Variants in GAD1 observed in about 807,000 individuals in gnomAD.
GAD1 encodes 67 kDa glutamic acid decarboxylase.
GAD1 carries 35 observed loss-of-function variants against 75.2 expected under a neutral mutation model. The observed-to-expected ratio is 0.47, with a 90% CI of 0.36 to 0.62. The LOEUF (loss-of-function observed/expected upper bound fraction) is 0.62. Ranked by LOEUF, GAD1 falls within the 20% of genes least tolerant of loss-of-function variation. GAD1 has a pLI of 0.00. For synonymous variants in GAD1, 257 were observed against 271.9 expected (o/e 0.95, Z 0.54); for missense variants, 490 against 758.5 (o/e 0.65, Z 4.16).
At position 170,836,384 on chromosome 2, in the gene GAD1, A is replaced by G. The variant is rs146785475; in HGVS notation, c.548-409A>G. On this transcript the variant is annotated intron_variant, in intron 5 of 16. Transcript: ENST00000358196. ...GATTTAGAGTTACGTAGCAAAAGCA[A>G]TTATTTCACCAACAACTGAATGAGT... is the stretch of plus-strand genomic sequence containing the variant. Among the ~76,000 whole-genome samples, 150 of 152,294 alleles carry G rather than the reference A, an allele frequency of 9.8e-4. 1 individual carries two copies. The highest frequency in any genetic ancestry group is 3.6e-3 in the Admixed American group (55 of 15,298).
rs372807865 is a variant in GAD1 at position 170,853,878 on chromosome 2, A to C, written c.1269A>C (p.Ile423=). ...CSAILVKEKG[I]LQGCNQMCAG... ...CATCTTAATTTCCATGATAGGGTAT[A>C]CTCCAAGGATGCAACCAGATGTGTG... The change falls in exon 14 of 17, where the codon ATA becomes ATC. Residue 423 remains isoleucine (I), a synonymous_variant. Transcript: ENST00000358196. This position sits in a 1 kb window ranked among gnomAD's most constrained non-coding sequence, Gnocchi z 4.1. The C allele has an allele frequency of 1.9e-5, 30 of 1,614,122 alleles. No individual in the cohort carries two copies. Among genetic ancestry groups the C allele is most frequent in the Non-Finnish European group, 2.5e-5 (29 of 1,180,012 alleles).
chr2:170,860,617 G>A lies in GAD1; in HGVS notation c.*735G>A, dbSNP rs937425849. On this transcript the variant is annotated 3_prime_UTR_variant, in exon 17 of 17. Coordinates refer to ENST00000358196, the MANE Select transcript of GAD1 (RefSeq NM_000817.3). ...TTCAGAGATGTACCATGTTAAAGAG[G>A]CGTCTTGTATTTTCTTCCCATTTGT... 1 of 152,520 alleles carries A rather than the reference G, an allele frequency of 6.6e-6. No homozygotes were observed. Among genetic ancestry groups the A allele is most frequent in the African/African-American group, 2.4e-5 (1 of 41,402 alleles). The allele number at this position is 152,520 out of a possible 1,614,324, so 9.4% of individuals were successfully genotyped here.
At chr2:170,850,627 T>C (rs1301592485) in intron 12 of GAD1, among the ~76,000 whole-genome samples, 1 of 152,212 alleles carries the variant, frequency 6.6e-6, no homozygotes, top group Non-Finnish European at 1.5e-5. Context: ...TTACCTCTAC[T>C]GTGCCTCCCC....
intron 10 of GAD1, among the ~76,000 whole-genome samples, chr2:170,846,867 G>C (rs545981423): frequency 5.3e-4 from 80 of 152,312 alleles, no homozygotes; most frequent in Non-Finnish European, 1.0e-3. Flanking sequence ...AAATAGCCAG[G>C]TGTGGTGGTG....
At chr2:170,814,261 T>C (rs1410383100), upstream of GAD1, among the ~76,000 whole-genome samples, 1 of 152,146 alleles carries the variant, frequency 6.6e-6, no homozygotes, top group East Asian at 1.9e-4. Context: ...CAGCAGTTAC[T>C]GTCAGGAGGG....
intron 3 of GAD1, 154 bp from the exon 4 acceptor site, chr2:170,829,321 G>A (rs1420417114): frequency 4.9e-6 from 4 of 822,072 alleles, no homozygotes; most frequent in Non-Finnish European, 6.0e-6. Flanking sequence ...CTGAAGGCGA[G>A]CAGTGCCAGA....
Position 170,845,537 on chromosome 2 carries a change from G to T in GAD1, c.783G>T (p.Met261Ile). 6.2e-7 allele frequency: 1 copy of T among 1,614,030 alleles called. No individual in the cohort carries two copies. Among genetic ancestry groups the T allele is most frequent in the Non-Finnish European group, 8.5e-7 (1 of 1,180,036 alleles). Residue 261 changes from methionine (M) to isoleucine (I), a missense_variant, in exon 8 of 17, where the codon ATG becomes ATT. Met to Ile is a conservative substitution (Grantham distance 10, BLOSUM62 1). Transcript: ENST00000358196. ...CCATATCCAACATGTACAGCATCAT[G>T]GCTGCTCGCTACAAGTACTTCCCGG... ...GGAISNMYSIMAARYKYFPEV... is the reference protein window; with the variant it reads ...GGAISNMYSIIAARYKYFPEV...
Position 170,860,080 on chromosome 2 carries a change from A to G in GAD1, c.*198A>G. 1 of 612,048 alleles carries G rather than the reference A, an allele frequency of 1.6e-6. No homozygotes were observed. Among genetic ancestry groups the G allele is most frequent in the South Asian group, 1.9e-5 (1 of 52,934 alleles). The allele number at this position is 612,048 out of a possible 1,614,324, so 37.9% of individuals were successfully genotyped here. ...TAGTGTTCTTTTTAAAAAGTTGCAC[A>G]TTAGGAACAGAGTATATATGTACAG... On this transcript the variant is annotated 3_prime_UTR_variant, in exon 17 of 17. Transcript: ENST00000358196.
Position 170,829,549 on chromosome 2 carries a change from A to T in GAD1, c.220A>T (p.Lys74Ter). 6.2e-7 allele frequency: 1 copy of T among 1,614,028 alleles called. No homozygotes were observed. Among genetic ancestry groups the T allele is most frequent in the Non-Finnish European group, 8.5e-7 (1 of 1,180,024 alleles). The change falls in exon 4 of 17, where the codon AAG becomes TAG. Residue 74 changes from lysine to a stop codon, truncating the protein, a stop_gained. Coordinates refer to ENST00000358196, the MANE Select transcript of GAD1 (RefSeq NM_000817.3). LOFTEE classifies it high-confidence loss of function. Reference sequence around the variant, plus strand: ...TGCCTTCAAGGAGAGGCAATCCTCCAAGAACCTGCTTTCCTGTGAAAACAG... The same window carrying T: ...TGCCTTCAAGGAGAGGCAATCCTCCTAGAACCTGCTTTCCTGTGAAAACAG... ...VSAFKERQSSKNLLSCENSDR... is the reference protein window; with the variant it reads ...VSAFKERQSS
chr2:170,842,867 T>TA (rs1702547857), intron 6 of GAD1: 1 of 724,986 alleles, frequency 1.4e-6, no homozygotes, highest in Admixed American at 3.1e-5. Context: ...GTGTCTTATG[T>TA]AAAACAATAG....
chr2:170,829,815 G>A (rs1033571838), intron 4 of GAD1, 182 bp downstream of exon 4: 1 of 658,932 alleles, frequency 1.5e-6, no homozygotes, highest in Admixed American at 2.9e-5. Context: ...TGCTGGCCAG[G>A]TCTCCATCAT....
chr2:170,857,780 CA>C (rs1285884569), intron 15 of GAD1, among the ~76,000 whole-genome samples: 1 of 152,196 alleles, frequency 6.6e-6, no homozygotes, highest in Non-Finnish European at 1.5e-5. Flanking sequence ...ATACTGCACA[CA>C]GCAAAGTATT....
Position 170,822,155 on chromosome 2 carries a change from T to C in GAD1, c.145+6T>C, listed in dbSNP as rs558655603. ...ACTGGGGCTCAAGATCTGCGGTAAG[T>C]GACAGGACCCACTGGGGCCCGGCTG... On this transcript the variant is annotated splice_donor_region_variant and intron_variant, in intron 3 of 16. Transcript: ENST00000358196. 46 of 1,612,028 alleles carry C rather than the reference T, an allele frequency of 2.9e-5. No homozygotes were observed. In the East Asian group the frequency reaches 1.0e-3, roughly 36 times the overall value.
chr2:170,814,610 G>T (rs1279517163), upstream of GAD1, among the ~76,000 whole-genome samples: 1 of 152,188 alleles, frequency 6.6e-6, no homozygotes, highest in East Asian at 1.9e-4. Context: ...AAAAATAAGT[G>T]CTTGGCACAT....
chr2:170,819,660 T>A (rs770241103), intron 2 of GAD1, among the ~76,000 whole-genome samples: 1 of 151,944 alleles, frequency 6.6e-6, no homozygotes, highest in Non-Finnish European at 1.5e-5. Context: ...AAAAAACTTA[T>A]CAGCTTCAGA....
At chr2:170,846,088 A>G (rs1206141514) in intron 10 of GAD1, 25 bp downstream of exon 10, 1 of 1,595,610 alleles carries the variant, frequency 6.3e-7, no homozygotes, top group African/African-American at 1.3e-5. Flanking sequence ...GTGCATCTGA[A>G]CTCCAGTTTT....
At chr2:170,828,138 TGCTGTCCTCACCCTCC>T (rs1403800764) in intron 3 of GAD1, among the ~76,000 whole-genome samples, 101 of 144,866 alleles carry the variant, frequency 7.0e-4, no homozygotes, top group African/African-American at 2.6e-3. Flanking sequence ...CTCCTCCCTC[TGCTGTCCTCACCCTCC>T]TCCCTCTGCT....
rs1190110597 is a variant in GAD1 at position 170,829,551 on chromosome 2, G to A, written c.222G>A (p.Lys74=). The A allele has an allele frequency of 6.2e-7, 1 of 1,607,372 alleles. No homozygotes were observed. The highest frequency in any genetic ancestry group is 1.7e-5 in the Admixed American group (1 of 59,850). Residue 74 remains lysine (K), a synonymous_variant, in exon 4 of 17, where the codon AAG becomes AAA. Coordinates refer to ENST00000358196, the MANE Select transcript of GAD1 (RefSeq NM_000817.3). ...CCTTCAAGGAGAGGCAATCCTCCAAGAACCTGCTTTCCTGTGAAAACAGCG... is the reference window on the plus strand; with the variant it reads ...CCTTCAAGGAGAGGCAATCCTCCAAAAACCTGCTTTCCTGTGAAAACAGCG... ...VSAFKERQSS[K]NLLSCENSDR...
At chr2:170,835,219 A>G (rs11895404) in intron 5 of GAD1, among the ~76,000 whole-genome samples, 34,502 of 152,028 alleles carry the variant, frequency 0.23, 4,066 homozygotes, top group South Asian at 0.34. Context: ...CTTTTAGTTA[A>G]TTAAACTCAT....
Sources: allele counts gnomAD v4.1 joint callset (sites outside exome capture counted in the v4.1 genomes callset), GRCh38; gene constraint gnomAD v4.1.1; non-coding constraint Gnocchi (gnomAD v3.1); transcripts MANE v1.5; gene names NCBI Gene and HGNC (gene_info 2026-07-23, HGNC 2026-07-21).